Variants in HMBOX1 observed in about 807,000 individuals in gnomAD.
HMBOX1 encodes the protein homeobox containing 1.
A neutral mutation model predicts 54.5 loss-of-function variants in HMBOX1; 14 were observed. The observed-to-expected ratio is 0.26, with a 90% CI of 0.17 to 0.40. HMBOX1 has a LOEUF of 0.40. Among genes scored for constraint, HMBOX1 ranks in the 10% least tolerant of loss-of-function variants. The pLI is 1.00. For synonymous variants in HMBOX1, 160 were observed against 181.0 expected, an observed-to-expected ratio of 0.88 and a Z score of 0.93; for missense variants, 332 against 514.4, an observed-to-expected ratio of 0.65 and a Z score of 3.43.
intron 4 of HMBOX1, among the ~76,000 whole-genome samples, chr8:28,985,701 A>G (rs1830053270): frequency 2.6e-5 from 4 of 152,224 alleles, no homozygotes; most frequent in Admixed American, 2.6e-4. Flanking sequence ...CTATTTAATT[A>G]TAGCAATTTC....
intron 6 of HMBOX1, among the ~76,000 whole-genome samples, chr8:29,026,734 T>G (rs1802105182): frequency 6.6e-6 from 1 of 152,210 alleles, no homozygotes; most frequent in East Asian, 1.9e-4. Flanking sequence ...GCCAGTGCTA[T>G]TCACAGATTT....
At chr8:29,045,703 T>A (rs547168829) in intron 7 of HMBOX1, among the ~76,000 whole-genome samples, 1 of 152,366 alleles carries the variant, frequency 6.6e-6, no homozygotes, top group South Asian at 2.1e-4. Context: ...TTGAAATTAC[T>A]ATTTTTTTAA....
chr8:28,964,505 C>T lies in HMBOX1; in HGVS notation c.23+615C>T, dbSNP rs78322478. 5.3e-3 allele frequency among the ~76,000 whole-genome samples: 811 copies of T among 152,114 alleles called. 7 individuals carry two copies. The highest frequency in any genetic ancestry group is 0.019 in the African/African-American group (772 of 41,490). ...AATAGGCCTTTGAATAAAAGTATTC[C>T]GGGAATTTCAGATATTAGAGAAGAC... On this transcript the variant is annotated intron_variant, in intron 2 of 9. Coordinates refer to ENST00000287701, the MANE Select transcript of HMBOX1 (RefSeq NM_001135726.3).
At chr8:28,944,150 T>G (rs1821978877) in intron 1 of HMBOX1, among the ~76,000 whole-genome samples, 1 of 152,232 alleles carries the variant, frequency 6.6e-6, no homozygotes, top group Non-Finnish European at 1.5e-5. Flanking sequence ...TTGTCTGTCT[T>G]CTGAAATCTT....
intron 1 of HMBOX1, among the ~76,000 whole-genome samples, chr8:28,908,974 C>T (rs866125869): frequency 4.6e-5 from 7 of 151,824 alleles, no homozygotes; most frequent in South Asian, 2.1e-4. Flanking sequence ...GTGGTTTGCA[C>T]CTGTAGTCCC....
At chr8:28,900,271 A>AAATAT (rs747317282) in intron 1 of HMBOX1, among the ~76,000 whole-genome samples, 3,538 of 70,344 alleles carry the variant, frequency 0.05, 159 homozygotes, top group South Asian at 0.14. Context: ...AAAAAAAAAA[A>AAATAT]ATATATATAT....
intron 1 of HMBOX1, among the ~76,000 whole-genome samples, chr8:28,925,504 G>T (rs998337006): frequency 6.6e-6 from 1 of 152,084 alleles, no homozygotes; most frequent in Non-Finnish European, 1.5e-5. Flanking sequence ...TGGTGGTAAT[G>T]GGGAAAATGT....
At chr8:28,942,571 C>T (rs1439245788) in intron 1 of HMBOX1, among the ~76,000 whole-genome samples, 1 of 152,092 alleles carries the variant, frequency 6.6e-6, no homozygotes. Context: ...AAAAACAAAT[C>T]TATATATAGT....
At chr8:29,049,569 C>A in intron 9 of HMBOX1, 2 of 843,128 alleles carry the variant, frequency 2.4e-6, no homozygotes, top group Non-Finnish European at 3.5e-6. Context: ...GTCTCTGGCA[C>A]ACTGACACAT....
intron 3 of HMBOX1, among the ~76,000 whole-genome samples, chr8:28,973,977 C>T (rs1279921947): frequency 6.6e-6 from 1 of 151,774 alleles, no homozygotes; most frequent in Admixed American, 6.6e-5. Flanking sequence ...CCACCCCCAG[C>T]TAATTTTTGT....
Position 28,970,022 on chromosome 8 carries a change from T to C in HMBOX1, c.24-21T>C, listed in dbSNP as rs1827117105. 1 of 1,459,244 alleles carries C rather than the reference T, an allele frequency of 6.9e-7. No homozygotes were observed. The highest frequency in any genetic ancestry group is 2.3e-5 in the East Asian group (1 of 44,090). 90.4% of individuals were successfully genotyped at this position (1,459,244 alleles called of 1,614,324 possible). Reference sequence around the variant, plus strand: ...TAGATACTGTCAATAAAGAGACTTCTTTTTATCTCTTTTTTTTTAGTTTGC... The same window carrying C: ...TAGATACTGTCAATAAAGAGACTTCCTTTTATCTCTTTTTTTTTAGTTTGC... On this transcript the variant is annotated intron_variant, in intron 2 of 9. Coordinates refer to ENST00000287701, the MANE Select transcript of HMBOX1 (RefSeq NM_001135726.3). The surrounding 1 kb of genome is among the most constrained non-coding windows in gnomAD (Gnocchi z 4.3).
At chr8:28,938,869 C>T (rs556418010) in intron 1 of HMBOX1, among the ~76,000 whole-genome samples, 58 of 152,246 alleles carry the variant, frequency 3.8e-4, no homozygotes, top group African/African-American at 1.3e-3. Context: ...TTCTTCCTTT[C>T]TAAATTAAAA....
In HMBOX1 at chr8:28,959,875, G is replaced by GT. The variant is rs140349523; in HGVS notation, c.-57-3932dup. ...TTTTTGGTCAATTTTGATATATTCT[G>GT]TTTTACTGGGAAATCGTTTTTCTCT... is the stretch of plus-strand genomic sequence containing the variant. On this transcript the variant is annotated intron_variant, in intron 1 of 9. Transcript: ENST00000287701. Among the ~76,000 whole-genome samples the GT allele has an allele frequency of 6.7e-3, 1,025 of 151,960 alleles. 14 individuals carry two copies. The highest frequency in any genetic ancestry group is 0.056 in the East Asian group (287 of 5,170).
chr8:28,963,860 T>C lies in HMBOX1; in HGVS notation c.-8T>C. The C allele has an allele frequency of 6.2e-7, 1 of 1,601,276 alleles. No homozygotes were observed. The highest frequency in any genetic ancestry group is 2.2e-5 in the East Asian group (1 of 44,686). On this transcript the variant is annotated 5_prime_UTR_variant, in exon 2 of 10. It removes an upstream start codon present in the reference 5' UTR. Coordinates refer to ENST00000287701, the MANE Select transcript of HMBOX1 (RefSeq NM_001135726.3). ...CTGGAAAGGATATTGATCCGCCTCA[T>C]GTAAAGTATGCTTAGTTCCTTTCCA...
chr8:29,009,554 G>C, intron 5 of HMBOX1: 1 of 384,136 alleles, frequency 2.6e-6, no homozygotes, highest in East Asian at 3.1e-4. Flanking sequence ...TGCAAATCTT[G>C]TTTGAATTAG....
chr8:28,935,243 G>A (rs762267254), intron 1 of HMBOX1, among the ~76,000 whole-genome samples: 1 of 152,120 alleles, frequency 6.6e-6, no homozygotes, highest in Non-Finnish European at 1.5e-5. Flanking sequence ...ATCCCTGGGA[G>A]GCTTTTATAG....
Position 28,970,447 on chromosome 8 carries a change from G to A in HMBOX1, c.428G>A (p.Gly143Asp). Residue 143 changes from glycine (G) to aspartate (D), a missense_variant, in exon 3 of 10, where the codon GGT becomes GAT. By Grantham distance (94) the Gly-to-Asp change is moderately conservative. Coordinates refer to ENST00000287701, the MANE Select transcript of HMBOX1 (RefSeq NM_001135726.3). The surrounding 1 kb of genome is among the most constrained non-coding windows in gnomAD (Gnocchi z 4.3). Reference protein sequence around the residue: ...SPTRYHANSMGQRSYSFEASE... With the variant: ...SPTRYHANSMDQRSYSFEASE... ...ACTCGCTACCATGCAAACAGCATGG[G>A]TCAGAGGTCATACAGTTTTGAAGCC... is the stretch of plus-strand genomic sequence containing the variant. 6.2e-7 allele frequency: 1 copy of A among 1,613,932 alleles called. No homozygotes were observed. Among genetic ancestry groups the A allele is most frequent in the Middle Eastern group, 1.6e-4 (1 of 6,062 alleles).
intron 3 of HMBOX1, among the ~76,000 whole-genome samples, chr8:28,976,328 C>T (rs1200077864): frequency 7.2e-5 from 11 of 152,120 alleles, no homozygotes; most frequent in Non-Finnish European, 1.6e-4. Flanking sequence ...CATATATATA[C>T]AAACAATATT....
At chr8:28,990,537 A>G (rs1830828347) in intron 4 of HMBOX1, among the ~76,000 whole-genome samples, 1 of 152,134 alleles carries the variant, frequency 6.6e-6, no homozygotes, top group Non-Finnish European at 1.5e-5. Flanking sequence ...TATCCATTTT[A>G]TATTATTTAA....
Sources: allele counts gnomAD v4.1 joint callset (sites outside exome capture counted in the v4.1 genomes callset), GRCh38; gene constraint gnomAD v4.1.1; non-coding constraint Gnocchi (gnomAD v3.1); transcripts MANE v1.5; gene names NCBI Gene and HGNC (gene_info 2026-07-23, HGNC 2026-07-21).